SASH1: variants seen among roughly 807,000 people sequenced by gnomAD.
The protein encoded by SASH1 is SAM and SH3 domain-containing protein 1.
SASH1 carries 44 observed loss-of-function variants against 125.2 expected under a neutral mutation model. That is an observed-to-expected ratio of 0.35 (90% CI 0.28 to 0.45). The LOEUF is 0.45. Among genes scored for constraint, SASH1 ranks in the 20% least tolerant of loss-of-function variants. The pLI, the probability that SASH1 is intolerant of heterozygous loss-of-function variation, is 1.00. For synonymous variants in SASH1, 639 were observed against 649.1 expected (o/e 0.98, Z 0.24); for missense variants, 1,426 against 1,614.5 (o/e 0.88, Z 2.00).
At chr6:148,211,697 T>C in the SASH1 span, among the ~76,000 whole-genome samples, 2 of 152,122 alleles carry the variant, frequency 1.3e-5, no homozygotes, top group Non-Finnish European at 2.9e-5. Context: ...GTTCACACAG[T>C]ATGTGACAGA....
chr6:148,449,082 T>TTCTTTTTTTTTTTCTTTTTTTTTTTTTTC (rs71729833), intron 4 of SASH1, among the ~76,000 whole-genome samples: 1 of 91,240 alleles, frequency 1.1e-5, no homozygotes, highest in Non-Finnish European at 2.4e-5. Context: ...TCATTTCTTT[T>TTCTTTTTTTTTTTCTTTTTTTTTTTTTTC]TTTTTTTTTT....
chr6:148,527,772 A>T (rs114644164), intron 12 of SASH1, among the ~76,000 whole-genome samples, 176 bp downstream of exon 12: 2,925 of 152,312 alleles, frequency 0.019, 102 homozygotes, highest in African/African-American at 0.067. Flanking sequence ...TTTATTAAGC[A>T]CTTTGGGCTG....
intron 1 of SASH1, among the ~76,000 whole-genome samples, chr6:148,281,106 CTTTTT>C (rs34144143): frequency 1.4e-5 from 1 of 69,238 alleles, no homozygotes; most frequent in Non-Finnish European, 2.6e-5. Flanking sequence ...CCATGCCTAG[CTTTTT>C]TTTTTTTTTT....
At chr6:148,516,490 G>GCCCCCCC (rs1780445168) in intron 9 of SASH1, among the ~76,000 whole-genome samples, 3 of 114,380 alleles carry the variant, frequency 2.6e-5, no homozygotes, top group African/African-American at 9.2e-5. Context: ...GCCAGTAGGC[G>GCCCCCCC]CCCCCTCCCC....
intron 2 of SASH1, among the ~76,000 whole-genome samples, chr6:148,420,684 T>A (rs1030368303): frequency 2.4e-4 from 36 of 152,220 alleles, no homozygotes; most frequent in Non-Finnish European, 4.7e-4. Flanking sequence ...TATTGTTCCC[T>A]ATTTTTTTAA....
chr6:148,435,334 G>A (rs142156493), intron 2 of SASH1, among the ~76,000 whole-genome samples: 1,697 of 147,816 alleles, frequency 0.011, 17 homozygotes, highest in Non-Finnish European at 0.017. Context: ...GCCGAAGATC[G>A]TGCCATTGCG....
intron 1 of SASH1, among the ~76,000 whole-genome samples, chr6:148,351,352 G>A (rs984921899): frequency 6.6e-6 from 1 of 152,002 alleles, no homozygotes; most frequent in African/African-American, 2.4e-5. Flanking sequence ...AATGTTCTCT[G>A]TGTTCACAGA....
intron 16 of SASH1, among the ~76,000 whole-genome samples, chr6:148,539,098 T>C (rs1379813778): frequency 6.6e-6 from 1 of 152,070 alleles, no homozygotes; most frequent in African/African-American, 2.4e-5. Context: ...GCTGCTTTTT[T>C]TTTTTTTTCC....
intron 1 of SASH1, among the ~76,000 whole-genome samples, chr6:148,346,428 A>G (rs1781522359): frequency 6.6e-6 from 1 of 152,188 alleles, no homozygotes; most frequent in African/African-American, 2.4e-5. Flanking sequence ...GTACTAGAAT[A>G]AATAAATGCT....
the SASH1 span, among the ~76,000 whole-genome samples, chr6:148,205,954 C>G: frequency 6.6e-6 from 1 of 152,166 alleles, no homozygotes; most frequent in Non-Finnish European, 1.5e-5. Flanking sequence ...AGGTTCCTTC[C>G]CGGTTTGCCT....
Position 148,374,601 on chromosome 6 carries a change from G to T in SASH1, c.157-15533G>T, listed in dbSNP as rs114241030. ...TACATTGTAACCCTGTGTAGAATGT[G>T]ACACAAAGCAAATAATCTCCACTCT... On this transcript the variant is annotated intron_variant, in intron 1 of 19. Coordinates refer to ENST00000367467, the MANE Select transcript of SASH1 (RefSeq NM_015278.5). 7.4e-3 allele frequency among the ~76,000 whole-genome samples: 1,120 copies of T among 152,132 alleles called. 8 individuals are homozygous for T. The highest frequency in any genetic ancestry group is 0.026 in the African/African-American group (1,086 of 41,510).
chr6:148,328,030 A>G (rs1335921718), intron 1 of SASH1, among the ~76,000 whole-genome samples: 1 of 152,010 alleles, frequency 6.6e-6, no homozygotes, highest in Admixed American at 6.6e-5. Context: ...GAAGTGTTTT[A>G]TGGCAGTTTT....
intron 2 of SASH1, among the ~76,000 whole-genome samples, chr6:148,438,758 A>C (rs1408241691): frequency 1.8e-5 from 2 of 112,812 alleles, no homozygotes; most frequent in Non-Finnish European, 3.7e-5. Context: ...CAAAACAAAC[A>C]AAAAAAAAAA....
intron 4 of SASH1, among the ~76,000 whole-genome samples, chr6:148,446,397 C>T (rs1387873682): frequency 3.3e-5 from 5 of 152,050 alleles, no homozygotes; most frequent in East Asian, 3.9e-4. Flanking sequence ...CGTGAGCCAC[C>T]GTGCCTGGCC....
rs975520119 is a variant in SASH1 at position 148,390,070 on chromosome 6, C to G, written c.157-64C>G. ...CTATTAACTCTGCGTAGAGGGAGGT[C>G]CGATGGCTGTGGGCTTTTCCAGGGT... On this transcript the variant is annotated intron_variant, in intron 1 of 19. Transcript: ENST00000367467. 25 of 1,591,546 alleles carry G rather than the reference C, an allele frequency of 1.6e-5. No individual in the cohort carries two copies. In the Admixed American group the frequency reaches 1.9e-4, roughly 12 times the overall value.
At chr6:148,324,857 C>G (rs1404089327) in intron 1 of SASH1, among the ~76,000 whole-genome samples, 1 of 152,154 alleles carries the variant, frequency 6.6e-6, no homozygotes, top group Non-Finnish European at 1.5e-5. Context: ...CCTAAGTCTG[C>G]TAACTCACCC....
chr6:148,237,770 A>G, the SASH1 span, among the ~76,000 whole-genome samples: 1 of 152,216 alleles, frequency 6.6e-6, no homozygotes, highest in Admixed American at 6.5e-5. Context: ...GGGACTGTCT[A>G]AAAATTCCCT....
rs139069219 is a variant in SASH1, at chr6:148,494,803, C to G, written c.729+7088C>G. On this transcript the variant is annotated intron_variant, in intron 8 of 19. Transcript: ENST00000367467. ...AGAGAGCCATGTGGTTGAACTGTGT[C>G]CAAAACTTTGGGCCACAGACACAGA... 1.5e-4 allele frequency among the ~76,000 whole-genome samples: 23 copies of G among 152,274 alleles called. No homozygotes were observed. In the East Asian group the frequency reaches 4.1e-3, roughly 27 times the overall value.
upstream of SASH1, chr6:148,272,192 T>G (rs1485445941): frequency 7.8e-5 from 20 of 258,014 alleles, no homozygotes; most frequent in Non-Finnish European, 1.1e-4. Context: ...TGAAGGCGAT[T>G]TGTTTTAAAG....
Sources: allele counts gnomAD v4.1 joint callset (sites outside exome capture counted in the v4.1 genomes callset), GRCh38; gene constraint gnomAD v4.1.1; transcripts MANE v1.5; gene names NCBI Gene and HGNC (gene_info 2026-07-23, HGNC 2026-07-21).